The following GREB1L variants were observed in gnomAD, a reference collection of about 807,000 sequenced individuals.
GREB1L encodes GREB1 like retinoic acid receptor coactivator.
GREB1L carries 17 observed loss-of-function variants against 200.8 expected under a neutral mutation model. The observed-to-expected ratio is 0.08, with a 90% CI of 0.06 to 0.13. GREB1L has a LOEUF of 0.13. Ranked by LOEUF, GREB1L falls within the 10% of genes least tolerant of loss-of-function variation. The probability of loss-of-function intolerance (pLI) is 1.00; values close to 1 mark genes in which losing one functional copy is unlikely to be tolerated. For missense variants in GREB1L, 1,657 were observed against 2,367.7 expected, an observed-to-expected ratio of 0.70 and a Z score of 6.23; for synonymous variants, 789 against 893.0, an observed-to-expected ratio of 0.88 and a Z score of 2.08.
Position 21,524,004 on chromosome 18 carries a change from T to C in GREB1L, c.*1183T>C, listed in dbSNP as rs1241139312. On this transcript the variant is annotated 3_prime_UTR_variant, in exon 33 of 33. Transcript: ENST00000424526. ...TCTACAGATTTCTCAAATATTTTAA[T>C]CAAAAACATTATTTTTAGAAAGTGT... The C allele has an allele frequency of 1.3e-5, 2 of 152,192 alleles. No individual in the cohort carries two copies. Among genetic ancestry groups the C allele is most frequent in the Non-Finnish European group, 2.9e-5 (2 of 68,026 alleles). The allele number at this position is 152,192 out of a possible 1,614,324, so 9.4% of individuals were successfully genotyped here. A position where few individuals can be genotyped will look rare whatever the true frequency, so the allele number is the denominator to read the frequency against.
At chr18:21,380,027 A>C (rs2040239123) in intron 2 of GREB1L, among the ~76,000 whole-genome samples, 1 of 152,214 alleles carries the variant, frequency 6.6e-6, no homozygotes, top group Non-Finnish European at 1.5e-5. Context: ...TGTAAAAAAG[A>C]AACCTAACAA....
At chr18:21,473,424 G>C (rs1192164724) in intron 16 of GREB1L, among the ~76,000 whole-genome samples, 4 of 151,956 alleles carry the variant, frequency 2.6e-5, no homozygotes, top group Non-Finnish European at 5.9e-5. Flanking sequence ...ATAAAAATTA[G>C]CTGGGCCTGG....
intron 7 of GREB1L, among the ~76,000 whole-genome samples, chr18:21,427,744 G>A (rs1199454910): frequency 6.6e-6 from 1 of 152,166 alleles, no homozygotes; most frequent in Non-Finnish European, 1.5e-5. Context: ...TAGTAGTTTT[G>A]TAGTGGCTTC....
chr18:21,471,923 A>C, intron 15 of GREB1L, among the ~76,000 whole-genome samples: 1 of 152,148 alleles, frequency 6.6e-6, no homozygotes, highest in South Asian at 2.1e-4. Flanking sequence ...ACCCAGCCAC[A>C]ATCCACTTTC....
chr18:21,474,326 C>T (rs1307414226), intron 16 of GREB1L, among the ~76,000 whole-genome samples: 1 of 152,138 alleles, frequency 6.6e-6, no homozygotes, highest in Non-Finnish European at 1.5e-5. Flanking sequence ...TAAATACAGC[C>T]ATTACAAATG....
chr18:21,305,956 A>G (rs776917141), intron 1 of GREB1L, among the ~76,000 whole-genome samples: 12 of 152,116 alleles, frequency 7.9e-5, no homozygotes, highest in Admixed American at 1.3e-4. Flanking sequence ...TAAGATGTCA[A>G]CTCCTCAGAG....
chr18:21,289,889 G>A (rs2038419348), intron 1 of GREB1L, among the ~76,000 whole-genome samples: 1 of 152,138 alleles, frequency 6.6e-6, no homozygotes, highest in Non-Finnish European at 1.5e-5. Context: ...AGGACATGGA[G>A]GGTTTTTTGT....
rs558919628 is a variant in GREB1L at position 21,397,328 on chromosome 18, T to C, written c.532+1767T>C. Among the ~76,000 whole-genome samples the C allele has an allele frequency of 6.6e-5, 10 of 150,392 alleles. No homozygotes were observed. In the East Asian group the frequency reaches 2.0e-3, roughly 29 times the overall value. On this transcript the variant is annotated intron_variant, in intron 5 of 32. Coordinates refer to ENST00000424526, the MANE Select transcript of GREB1L (RefSeq NM_001142966.3). ...TAACATGGTGAAACCCCGTCTCTAC[T>C]AAAAAAAACCCCGTCTCTACTAAAA...
intron 1 of GREB1L, among the ~76,000 whole-genome samples, chr18:21,283,153 A>T (rs1292860135): frequency 6.6e-6 from 1 of 152,236 alleles, no homozygotes; most frequent in Non-Finnish European, 1.5e-5. Flanking sequence ...ACTGGCTTTT[A>T]CATAATTCCA....
chr18:21,426,189 T>C (rs1356816118), intron 7 of GREB1L, among the ~76,000 whole-genome samples: 1 of 152,002 alleles, frequency 6.6e-6, no homozygotes, highest in Non-Finnish European at 1.5e-5. Flanking sequence ...CCTGAGTAGC[T>C]GGGACTACAG....
intron 4 of GREB1L, among the ~76,000 whole-genome samples, chr18:21,391,862 T>G (rs973900614): frequency 9.2e-5 from 14 of 152,216 alleles, no homozygotes; most frequent in Non-Finnish European, 1.5e-4. Flanking sequence ...CAGGCTGGAG[T>G]GCAGTGGTGC....
intron 1 of GREB1L, among the ~76,000 whole-genome samples, chr18:21,278,663 A>G (rs1598625161): frequency 6.6e-6 from 1 of 152,034 alleles, no homozygotes; most frequent in South Asian, 2.1e-4. Context: ...ACTAAAAGAT[A>G]TGCAACCAAA....
At chr18:21,255,243 G>C (rs994191036) in intron 1 of GREB1L, among the ~76,000 whole-genome samples, 2 of 152,090 alleles carry the variant, frequency 1.3e-5, no homozygotes, top group Non-Finnish European at 2.9e-5. Context: ...ATTCCTACCT[G>C]TACCTTGATA....
Position 21,383,530 on chromosome 18 carries a change from A to AG in GREB1L, c.12_13insG (p.Tyr5ValfsTer11). ...GGTAGGTGTAGATCATGGGGAATTC[A>AG]TATGCTGGGCAACTGAAATCTGCTC... is the stretch of plus-strand genomic sequence containing the variant. On this transcript the variant is annotated frameshift_variant, in exon 3 of 33. Transcript: ENST00000424526. LOFTEE classifies it high-confidence loss of function. The AG allele has an allele frequency of 1.4e-6, 2 of 1,444,262 alleles. No homozygotes were observed. Among genetic ancestry groups the AG allele is most frequent in the African/African-American group, 1.6e-5 (1 of 60,998 alleles). The allele number at this position is 1,444,262 out of a possible 1,614,324, so 89.5% of individuals were successfully genotyped here. A position where few individuals can be genotyped will look rare whatever the true frequency, so the allele number is the denominator to read the frequency against.
intron 7 of GREB1L, among the ~76,000 whole-genome samples, chr18:21,422,530 T>G (rs2032240814): frequency 6.6e-6 from 1 of 152,208 alleles, no homozygotes; most frequent in Non-Finnish European, 1.5e-5. Context: ...TTTTACAACT[T>G]TCTTACTCCA....
intron 1 of GREB1L, among the ~76,000 whole-genome samples, chr18:21,249,151 T>A (rs1162411791): frequency 4.6e-5 from 7 of 152,180 alleles, no homozygotes; most frequent in Non-Finnish European, 7.3e-5. Context: ...CTTTTTTTTT[T>A]TATTTAGGTA....
chr18:21,409,571 C>T (rs1003095763), intron 7 of GREB1L, among the ~76,000 whole-genome samples: 9 of 152,154 alleles, frequency 5.9e-5, no homozygotes, highest in Non-Finnish European at 1.0e-4. Flanking sequence ...AAAAGCTGCT[C>T]TGAGAAAATT....
chr18:21,454,316 A>T (rs1364645598), intron 14 of GREB1L, 50 bp from the exon 15 acceptor site: 22 of 1,248,692 alleles, frequency 1.8e-5, no homozygotes, highest in Non-Finnish European at 3.4e-6. Context: ...CACAGTGGCC[A>T]TTAGGGAAGT....
At chr18:21,444,733 T>A (rs1052142279) in intron 11 of GREB1L, among the ~76,000 whole-genome samples, 1 of 152,254 alleles carries the variant, frequency 6.6e-6, no homozygotes, top group Non-Finnish European at 1.5e-5. Context: ...ACCCCTTCTC[T>A]GGGGAGCTTG....
Sources: gnomAD v4.1 joint callset for allele counts (sites outside exome capture counted in the v4.1 genomes callset) on GRCh38, gnomAD v4.1.1 for gene constraint, MANE v1.5 for transcripts, NCBI Gene and HGNC (gene_info 2026-07-23, HGNC 2026-07-21) for gene names.